The following CRTC3 variants were observed in gnomAD, a reference collection of about 807,000 sequenced individuals.
The protein encoded by CRTC3 is CREB-regulated transcription coactivator 3.
In CRTC3, 26 loss-of-function variants were observed where a neutral mutation model predicts 74.5. The ratio of observed to expected loss-of-function variants is 0.35; its 90% confidence interval spans 0.26 to 0.48. CRTC3 has a LOEUF of 0.48. Among genes scored for constraint, CRTC3 ranks in the 20% least tolerant of loss-of-function variants. The pLI, the probability that CRTC3 is intolerant of heterozygous loss-of-function variation, is 0.99. For synonymous variants in CRTC3, 377 were observed against 325.8 expected, an observed-to-expected ratio of 1.16 and a Z score of -1.69; for missense variants, 760 against 787.3, an observed-to-expected ratio of 0.97 and a Z score of 0.41.
rs1444334770 is a variant in CRTC3, at chr15:90,597,671, A to G, written c.351+3916A>G. ...TTAATAAACTTCTTATCTTTAACCC[A>G]GAATTTCAAAACTTAAGTGATCACA... On this transcript the variant is annotated intron_variant, in intron 3 of 14. Transcript: ENST00000268184. Among the ~76,000 whole-genome samples, 4 of 152,344 alleles carry G rather than the reference A, an allele frequency of 2.6e-5. No homozygotes were observed. The Middle Eastern group carries it at 0.01, about 389-fold the overall frequency.
intron 2 of CRTC3, among the ~76,000 whole-genome samples, chr15:90,569,095 C>T (rs1247942782): frequency 6.6e-6 from 1 of 151,580 alleles, no homozygotes; most frequent in Non-Finnish European, 1.5e-5. Context: ...TGGGCTCAAG[C>T]AGTCTTCCCA....
intron 1 of CRTC3, among the ~76,000 whole-genome samples, chr15:90,535,793 A>G (rs528878460): frequency 2.6e-5 from 4 of 152,272 alleles, no homozygotes; most frequent in African/African-American, 7.2e-5. Context: ...TCCCTTTCAC[A>G]TGTTGTTATC....
intron 2 of CRTC3, among the ~76,000 whole-genome samples, chr15:90,583,728 C>T (rs1967595823): frequency 6.6e-6 from 1 of 152,144 alleles, no homozygotes; most frequent in Non-Finnish European, 1.5e-5. Flanking sequence ...CATACCTAAG[C>T]ACTGCAGAGG....
chr15:90,578,589 T>C (rs756233676), intron 2 of CRTC3, among the ~76,000 whole-genome samples: 2 of 152,100 alleles, frequency 1.3e-5, no homozygotes, highest in Non-Finnish European at 2.9e-5. Flanking sequence ...AAATTATAAA[T>C]GCATGTATAG....
At position 90,586,362 on chromosome 15, in the gene CRTC3, C is replaced by CTTTT. The variant is rs55985691; in HGVS notation, c.232-7255_232-7252dup. On this transcript the variant is annotated intron_variant, in intron 2 of 14. Transcript: ENST00000268184. ...TATTTTTTAAAACTTGGTAGAACTT[C>CTTTT]TTTTTTTTTTTTTTTTTTTTTTGAG... Among the ~76,000 whole-genome samples the CTTTT allele has an allele frequency of 3.6e-3, 293 of 81,234 alleles. 1 individual carries two copies. The highest frequency in any genetic ancestry group is 4.5e-3 in the African/African-American group (91 of 20,096). The allele number at this position is 81,234 out of a possible 152,430, so 53.3% of individuals were successfully genotyped here. A position where few individuals can be genotyped will look rare whatever the true frequency, so the allele number is the denominator to read the frequency against.
chr15:90,599,069 G>A (rs1968003948), intron 3 of CRTC3: 1 of 152,936 alleles, frequency 6.5e-6, no homozygotes, highest in Non-Finnish European at 1.5e-5. Context: ...AGGACGGAAG[G>A]CAAAGGGGCG....
At chr15:90,623,137 G>A (rs1225002266) in intron 9 of CRTC3, among the ~76,000 whole-genome samples, 1 of 152,014 alleles carries the variant, frequency 6.6e-6, no homozygotes, top group Non-Finnish European at 1.5e-5. Flanking sequence ...CCACTCCCTG[G>A]CCCTCCTCCC....
At position 90,644,588 on chromosome 15, in the gene CRTC3, G is replaced by T. The variant is rs1329755863; in HGVS notation, c.*2448G>T. The T allele has an allele frequency of 8.6e-6, 2 of 232,564 alleles. No homozygotes were observed. Among genetic ancestry groups the T allele is most frequent in the Non-Finnish European group, 1.7e-5 (2 of 117,768 alleles). 14.4% of individuals were successfully genotyped at this position (232,564 alleles called of 1,614,324 possible). On this transcript the variant is annotated 3_prime_UTR_variant, in exon 15 of 15. Coordinates refer to ENST00000268184, the MANE Select transcript of CRTC3 (RefSeq NM_022769.5). Reference sequence around the variant, plus strand: ...GATTTATTGGGGGTGTACACTGGGGGCAATATGGTTTAGCACTGAATTCAA... The same window carrying T: ...GATTTATTGGGGGTGTACACTGGGGTCAATATGGTTTAGCACTGAATTCAA...
rs554478131 is a variant in CRTC3 at position 90,643,056 on chromosome 15, G to C, written c.*916G>C. 4.3e-6 allele frequency: 1 copy of C among 232,286 alleles called. No homozygotes were observed. Among genetic ancestry groups the C allele is most frequent in the South Asian group, 1.8e-4 (1 of 5,516 alleles). The allele number at this position is 232,286 out of a possible 1,614,324, so 14.4% of individuals were successfully genotyped here. A position where few individuals can be genotyped will look rare whatever the true frequency, so the allele number is the denominator to read the frequency against. On this transcript the variant is annotated 3_prime_UTR_variant, in exon 15 of 15. Coordinates refer to ENST00000268184, the MANE Select transcript of CRTC3 (RefSeq NM_022769.5). ...AGCTTCCCCATCCCTCCCCAGAGCT[G>C]TGTCTCTGTGGGCTGGGAGTCTAAT...
chr15:90,567,452 C>T (rs112778765), intron 2 of CRTC3, among the ~76,000 whole-genome samples: 1 of 151,980 alleles, frequency 6.6e-6, no homozygotes, highest in Non-Finnish European at 1.5e-5. Flanking sequence ...TTTGGGAGGC[C>T]GAGGCAGGTG....
chr15:90,622,140 G>C (rs1968672160), intron 9 of CRTC3, among the ~76,000 whole-genome samples: 1 of 152,182 alleles, frequency 6.6e-6, no homozygotes, highest in Admixed American at 6.5e-5. Flanking sequence ...AGTGGGCCTG[G>C]AGTTCAAGGA....
At chr15:90,545,547 G>A (rs191544055) in intron 2 of CRTC3, among the ~76,000 whole-genome samples, 7 of 147,514 alleles carry the variant, frequency 4.7e-5, no homozygotes, top group South Asian at 4.4e-4. Context: ...TTACAGGCGC[G>A]CCCCACCACA....
At chr15:90,623,095 C>T (rs905276612) in intron 9 of CRTC3, among the ~76,000 whole-genome samples, 2 of 152,232 alleles carry the variant, frequency 1.3e-5, no homozygotes, top group East Asian at 1.9e-4. Flanking sequence ...CTAGGGACAC[C>T]GAGGTCCCTC....
At chr15:90,617,306 C>G (rs1052592751) in intron 7 of CRTC3, among the ~76,000 whole-genome samples, 1 of 152,160 alleles carries the variant, frequency 6.6e-6, no homozygotes, top group African/African-American at 2.4e-5. Flanking sequence ...TATGTGTTGC[C>G]CTTATCCACT....
At chr15:90,543,876 A>T (rs987205350) in intron 2 of CRTC3, among the ~76,000 whole-genome samples, 1 of 151,900 alleles carries the variant, frequency 6.6e-6, no homozygotes, top group Non-Finnish European at 1.5e-5. Flanking sequence ...TCCATCCCCC[A>T]CCTCCAGCCT....
intron 11 of CRTC3, chr15:90,634,703 T>A: frequency 1.5e-6 from 1 of 679,386 alleles, no homozygotes. Context: ...GAGCGGAGTA[T>A]GAGACTGAGG....
chr15:90,584,557 A>G (rs1967616252), intron 2 of CRTC3, among the ~76,000 whole-genome samples: 1 of 152,220 alleles, frequency 6.6e-6, no homozygotes, highest in African/African-American at 2.4e-5. Flanking sequence ...TTTTTAAAAA[A>G]GAGTTGTGGT....
At chr15:90,582,390 A>G (rs1186354468) in intron 2 of CRTC3, among the ~76,000 whole-genome samples, 1 of 152,206 alleles carries the variant, frequency 6.6e-6, no homozygotes, top group East Asian at 1.9e-4. Context: ...TCACCCTGCT[A>G]TGCCATCCCT....
intron 6 of CRTC3, 80 bp downstream of exon 6, chr15:90,607,558 T>C: frequency 3.4e-6 from 3 of 890,642 alleles, no homozygotes; most frequent in Non-Finnish European, 5.3e-6. Flanking sequence ...GAAGCTGAAG[T>C]GGTGTTTGCG....
Sources: gnomAD v4.1 joint callset for allele counts (sites outside exome capture counted in the v4.1 genomes callset) on GRCh38, gnomAD v4.1.1 for gene constraint, MANE v1.5 for transcripts, NCBI Gene and HGNC (gene_info 2026-07-23, HGNC 2026-07-21) for gene names.